ASH1L: variants seen among roughly 807,000 people sequenced by gnomAD.
The protein encoded by ASH1L is ASH1 like histone lysine methyltransferase.
Under a neutral mutation model 269.0 loss-of-function variants are expected in ASH1L, and 23 were observed. The ratio of observed to expected loss-of-function variants is 0.09; its 90% CI spans 0.06 to 0.12. ASH1L has a LOEUF of 0.12. ASH1L is among the 10% of genes least tolerant of loss of function. ASH1L has a pLI of 1.00. For synonymous variants in ASH1L, 1,187 were observed against 1,253.5 expected, an observed-to-expected ratio of 0.95 and a Z score of 1.12; for missense variants, 2,912 against 3,567.8, an observed-to-expected ratio of 0.82 and a Z score of 4.68.
chr1:155,372,365 G>A (rs1278296345), intron 10 of ASH1L, among the ~76,000 whole-genome samples: 1 of 151,660 alleles, frequency 6.6e-6, no homozygotes, highest in Admixed American at 6.6e-5. Context: ...CTGGAGTGCA[G>A]TGGCTAAATT....
chr1:155,513,455 G>A (rs1030501465), intron 2 of ASH1L, among the ~76,000 whole-genome samples: 2 of 151,100 alleles, frequency 1.3e-5, no homozygotes, highest in African/African-American at 4.9e-5. Context: ...GCCTGTAGCC[G>A]GTCTACTCAA....
chr1:155,482,204 C>T lies in ASH1L; in HGVS notation c.666G>A (p.Gln222=). Residue 222 remains glutamine (Q), a synonymous_variant, in exon 3 of 28, where the codon CAG becomes CAA. Transcript: ENST00000392403. The part of the protein sequence containing the change: ...GGTSVTEKLA[Q]LIATCPPSKS... ...TGGAAGGAGGACAGGTAGCAATCAG[C>T]TGTGCCAACTTTTCTGTTACACTAG... The T allele has an allele frequency of 6.2e-7, 1 of 1,614,172 alleles. No individual in the cohort carries two copies. The highest frequency in any genetic ancestry group is 8.5e-7 in the Non-Finnish European group (1 of 1,180,016).
In ASH1L at chr1:155,442,921, C is replaced by T. The variant is rs1352824494; in HGVS notation, c.5087-3853G>A. Among the ~76,000 whole-genome samples, 3 of 152,100 alleles carry T rather than the reference C, an allele frequency of 2.0e-5. 1 individual carries two copies. The highest frequency in any genetic ancestry group is 7.2e-5 in the African/African-American group (3 of 41,400). On this transcript the variant is annotated intron_variant, in intron 4 of 27. Coordinates refer to ENST00000392403, the MANE Select transcript of ASH1L (RefSeq NM_018489.3). ...CATAATTTCCTGAAAGGTTATTTAC[C>T]TGACCAGGAAGCACCCTCTTCATTC...
intron 2 of ASH1L, among the ~76,000 whole-genome samples, chr1:155,487,956 C>A (rs545567676): frequency 2.5e-4 from 38 of 150,998 alleles, no homozygotes; most frequent in Admixed American, 2.0e-3. Context: ...GGCGCCATCT[C>A]GGCTCACTGC....
Position 155,434,022 on chromosome 1 carries a change from G to A in ASH1L, c.5828+4305C>T, listed in dbSNP as rs180809155. 591 of 1,590,124 alleles carry A rather than the reference G, an allele frequency of 3.7e-4. 1 individual carries two copies. The African/African-American group carries it at 6.7e-3, about 18-fold the overall frequency. On this transcript the variant is annotated intron_variant, in intron 5 of 27. Coordinates refer to ENST00000392403, the MANE Select transcript of ASH1L (RefSeq NM_018489.3). ...GTGGTCCGAGTGTGGTTCTGTAACCGGTGCCAGAAAGGCAAGCAATCAAGC... is the reference window on the plus strand; with the variant it reads ...GTGGTCCGAGTGTGGTTCTGTAACCAGTGCCAGAAAGGCAAGCAATCAAGC...
At chr1:155,413,568 T>C (rs534594672) in intron 6 of ASH1L, among the ~76,000 whole-genome samples, 3 of 152,222 alleles carry the variant, frequency 2.0e-5, no homozygotes, top group East Asian at 1.9e-4. Context: ...GATCGTGCCA[T>C]TGCACTCCAG....
Position 155,380,034 on chromosome 1 carries a change from T to G in ASH1L, c.6177+9A>C, listed in dbSNP as rs772827265. On this transcript the variant is annotated intron_variant, in intron 8 of 27. Transcript: ENST00000392403. ...AAGAATGAAACCTGGTAAAACAGGC[T>G]CTCTGTACCTGATTGTGTTTCCACT... The G allele has an allele frequency of 6.3e-7, 1 of 1,597,568 alleles. No homozygotes were observed. Among genetic ancestry groups the G allele is most frequent in the Non-Finnish European group, 8.6e-7 (1 of 1,167,658 alleles).
chr1:155,370,759 C>T lies in ASH1L; in HGVS notation c.6539+18G>A. The T allele has an allele frequency of 6.2e-7, 1 of 1,613,984 alleles. No homozygotes were observed. On this transcript the variant is annotated intron_variant, in intron 11 of 27. Transcript: ENST00000392403. ...ATACCTTGGCATTTTATTAGAGTAT[C>T]ATCATTTACCACCGTACCTGAACTC... is the stretch of plus-strand genomic sequence containing the variant.
chr1:155,402,862 C>CTT (rs113884065), intron 6 of ASH1L, among the ~76,000 whole-genome samples: 3,894 of 135,882 alleles, frequency 0.029, 237 homozygotes, highest in African/African-American at 0.11. Flanking sequence ...CCAAGTTATA[C>CTT]TTTTTTTTTT....
intron 12 of ASH1L, among the ~76,000 whole-genome samples, chr1:155,364,798 C>G (rs997152010): frequency 3.3e-5 from 5 of 151,542 alleles, no homozygotes; most frequent in Admixed American, 6.6e-5. Context: ...AAAAATTAAC[C>G]AGGCATGGTG....
intron 15 of ASH1L, among the ~76,000 whole-genome samples, chr1:155,357,049 G>T: frequency 7.4e-6 from 1 of 134,726 alleles, no homozygotes; most frequent in South Asian, 2.4e-4. Flanking sequence ...CTGTATTCCA[G>T]CCTGGGTGAC....
At chr1:155,457,192 C>T (rs1663921679) in intron 4 of ASH1L, among the ~76,000 whole-genome samples, 1 of 152,096 alleles carries the variant, frequency 6.6e-6, no homozygotes, top group East Asian at 1.9e-4. Flanking sequence ...CACTCCAAGA[C>T]CTATCCTATT....
chr1:155,485,434 G>A (rs1027418998), intron 2 of ASH1L, among the ~76,000 whole-genome samples: 6 of 152,054 alleles, frequency 3.9e-5, no homozygotes, highest in Non-Finnish European at 7.4e-5. Context: ...TCCTCCCCCC[G>A]CTCAGCCTTC....
Position 155,521,637 on chromosome 1 carries a change from C to T in ASH1L, c.-99-19G>A. Reference sequence around the variant, plus strand: ...TCTTTCTCTGCAGAACAGATCATAACAAAAATTTATCAGAAAAGAGGCAAC... The same window carrying T: ...TCTTTCTCTGCAGAACAGATCATAATAAAAATTTATCAGAAAAGAGGCAAC... On this transcript the variant is annotated intron_variant, in intron 1 of 27. Transcript: ENST00000392403. 3 of 978,016 alleles carry T rather than the reference C, an allele frequency of 3.1e-6. No individual in the cohort carries two copies. Among genetic ancestry groups the T allele is most frequent in the South Asian group, 1.8e-5 (1 of 56,754 alleles). 60.6% of individuals were successfully genotyped at this position (978,016 alleles called of 1,614,324 possible).
intron 2 of ASH1L, among the ~76,000 whole-genome samples, chr1:155,494,242 C>T (rs901176192): frequency 3.3e-5 from 5 of 152,108 alleles, no homozygotes; most frequent in African/African-American, 1.2e-4. Flanking sequence ...AAAGCAAAGG[C>T]CCTGAGCCAG....
chr1:155,477,823 A>G (rs1665673203), intron 3 of ASH1L, 63 bp downstream of exon 3: 6 of 1,459,722 alleles, frequency 4.1e-6, no homozygotes, highest in African/African-American at 1.4e-5. Context: ...TACATTTATC[A>G]GGCACCTGTG....
chr1:155,398,073 A>T (rs778992805), intron 6 of ASH1L, among the ~76,000 whole-genome samples: 3 of 152,230 alleles, frequency 2.0e-5, no homozygotes, highest in Non-Finnish European at 4.4e-5. Flanking sequence ...ACAATGTTCC[A>T]GTAAAAACAA....
chr1:155,525,122 C>T (rs541935188), intron 1 of ASH1L, among the ~76,000 whole-genome samples: 1 of 151,974 alleles, frequency 6.6e-6, no homozygotes, highest in African/African-American at 2.4e-5. Context: ...TGGTGCACAC[C>T]TATAGTCCCA....
At chr1:155,494,835 T>A (rs1348579538) in intron 2 of ASH1L, among the ~76,000 whole-genome samples, 1 of 152,022 alleles carries the variant, frequency 6.6e-6, no homozygotes, top group African/African-American at 2.4e-5. Context: ...CGAGTGAGGG[T>A]GAATGTAAAC....
Sources: allele counts gnomAD v4.1 joint callset (sites outside exome capture counted in the v4.1 genomes callset), GRCh38; gene constraint gnomAD v4.1.1; transcripts MANE v1.5; gene names NCBI Gene and HGNC (gene_info 2026-07-23, HGNC 2026-07-21).